Variants in DSCAM observed in about 807,000 individuals in gnomAD.
DSCAM encodes the protein cell adhesion molecule DSCAM.
Under a neutral mutation model 217.7 loss-of-function variants are expected in DSCAM, and 47 were observed. That is an observed-to-expected ratio of 0.22 (90% confidence interval 0.17 to 0.28). The LOEUF (loss-of-function observed/expected upper bound fraction) is 0.28. Among genes scored for constraint, DSCAM ranks in the 10% least tolerant of loss-of-function variants. The pLI, the probability that DSCAM is intolerant of heterozygous loss-of-function variation, is 1.00. For synonymous variants in DSCAM, 1,056 were observed against 1,015.3 expected, an observed-to-expected ratio of 1.04 and a Z score of -0.76; for missense variants, 2,080 against 2,618.3, an observed-to-expected ratio of 0.79 and a Z score of 4.49.
At chr21:40,821,324 T>C (rs2123593961) in intron 1 of DSCAM, among the ~76,000 whole-genome samples, 1 of 152,114 alleles carries the variant, frequency 6.6e-6, no homozygotes, top group African/African-American at 2.4e-5. Flanking sequence ...ATTTTGCTCT[T>C]CAGCCTCCTT....
At chr21:40,509,674 A>G (rs2076242700) in intron 3 of DSCAM, among the ~76,000 whole-genome samples, 1 of 152,250 alleles carries the variant, frequency 6.6e-6, no homozygotes. Context: ...AATTTCTATG[A>G]AAGAACTCAT....
chr21:40,252,071 G>A (rs562904730), intron 11 of DSCAM, among the ~76,000 whole-genome samples: 3 of 152,284 alleles, frequency 2.0e-5, no homozygotes, highest in African/African-American at 7.2e-5. Context: ...CTACTACTTT[G>A]ATTGCAGCCT....
chr21:40,031,672 T>G (rs564965776), intron 32 of DSCAM, among the ~76,000 whole-genome samples: 2 of 152,230 alleles, frequency 1.3e-5, no homozygotes, highest in Admixed American at 6.5e-5. Context: ...CAGTGAGGCC[T>G]TGTGAGAAGC....
rs371262906 is a variant in DSCAM, at chr21:40,267,589, C to G, written c.2356+8508G>C. ...CAAAATGTTGTTATGCAGCACATAACTATATAACATAAAATCTGGATTATG... is the reference window on the plus strand; with the variant it reads ...CAAAATGTTGTTATGCAGCACATAAGTATATAACATAAAATCTGGATTATG... On this transcript the variant is annotated intron_variant, in intron 11 of 32. Transcript: ENST00000400454. Among the ~76,000 whole-genome samples the G allele has an allele frequency of 2.8e-4, 42 of 152,232 alleles. No individual in the cohort carries two copies. The South Asian group carries it at 5.8e-3, about 21-fold the overall frequency.
At position 40,637,623 on chromosome 21, in the gene DSCAM, A is replaced by ATATAAATATATAT. The variant is rs1491156074; in HGVS notation, c.508+55186_508+55187insATATATATTTATA. On this transcript the variant is annotated intron_variant, in intron 3 of 32. Transcript: ENST00000400454. ...TATATATAAATATATATAAATATAT[A>ATATAAATATATAT]CATATATAAATATATATAAATATAT... 3.6e-3 allele frequency among the ~76,000 whole-genome samples: 163 copies of ATATAAATATATAT among 45,678 alleles called. 1 individual carries two copies. Among genetic ancestry groups the ATATAAATATATAT allele is most frequent in the Admixed American group, 4.8e-3 (10 of 2,064 alleles). 30.0% of individuals were successfully genotyped at this position (45,678 alleles called of 152,430 possible).
At chr21:40,068,650 T>C (rs1476512287) in intron 27 of DSCAM, among the ~76,000 whole-genome samples, 1 of 152,208 alleles carries the variant, frequency 6.6e-6, no homozygotes, top group Non-Finnish European at 1.5e-5. Context: ...TGTTTCTTAC[T>C]TGAATATTCA....
rs73355334 is a variant in DSCAM, at chr21:40,347,872, G to A, written c.1008C>T (p.Ser336=). Residue 336 remains serine, a synonymous_variant, in exon 6 of 33, where the codon AGC becomes AGT. Coordinates refer to ENST00000400454, the MANE Select transcript of DSCAM (RefSeq NM_001389.5). ...SVGSQVSLSC[S]VTGTEDQELS... ...GTTCCTGGTCCTCAGTTCCTGTCACGCTGCAGGACAAGGAAACTTGGCTAC... is the reference window on the plus strand; with the variant it reads ...GTTCCTGGTCCTCAGTTCCTGTCACACTGCAGGACAAGGAAACTTGGCTAC... The A allele has an allele frequency of 3.8e-4, 618 of 1,613,984 alleles. 1 individual carries two copies. The African/African-American group carries it at 7.0e-3, about 18-fold the overall frequency.
In DSCAM at chr21:40,144,049, T is replaced by A. The variant is rs1024644229; in HGVS notation, c.3259+442A>T. On this transcript the variant is annotated intron_variant, in intron 17 of 32. Transcript: ENST00000400454. This position sits in a 1 kb window ranked among gnomAD's most constrained non-coding sequence, Gnocchi z 4.8. ...TAGGGGGCGATCGATCACTGTGCAA[T>A]CTGAAAATTCCTTTTCTCTGTACTC... is the stretch of plus-strand genomic sequence containing the variant. 1.3e-5 allele frequency among the ~76,000 whole-genome samples: 2 copies of A among 152,114 alleles called. No homozygotes were observed. Among genetic ancestry groups the A allele is most frequent in the African/African-American group, 4.8e-5 (2 of 41,434 alleles).
intron 11 of DSCAM, among the ~76,000 whole-genome samples, chr21:40,219,793 G>T (rs1053309811): frequency 2.0e-5 from 3 of 152,096 alleles, no homozygotes; most frequent in Non-Finnish European, 4.4e-5. Context: ...GAAGTTAAAT[G>T]AATTTTTTTG....
At chr21:40,693,079 A>T in intron 2 of DSCAM, 123 bp from the exon 3 acceptor site, 1 of 1,154,612 alleles carries the variant, frequency 8.7e-7, no homozygotes, top group Non-Finnish European at 1.2e-6. Flanking sequence ...CTTTCTGGAA[A>T]ACAGTTAAGA....
chr21:40,652,227 G>A (rs921340228), intron 3 of DSCAM, among the ~76,000 whole-genome samples: 6 of 151,836 alleles, frequency 4.0e-5, no homozygotes, highest in African/African-American at 7.3e-5. Context: ...CTGGGTCACG[G>A]AATGATCTGT....
At chr21:40,088,090 T>C (rs1301889253) in intron 21 of DSCAM, among the ~76,000 whole-genome samples, 2 of 152,184 alleles carry the variant, frequency 1.3e-5, no homozygotes, top group African/African-American at 4.8e-5. Flanking sequence ...CATTGGGACA[T>C]TACTTTCTGG....
chr21:40,543,182 C>G (rs1397144694), intron 3 of DSCAM, among the ~76,000 whole-genome samples: 1 of 152,192 alleles, frequency 6.6e-6, no homozygotes, highest in Non-Finnish European at 1.5e-5. Context: ...GATTCCTCTT[C>G]CCTCTGACAG....
intron 32 of DSCAM, among the ~76,000 whole-genome samples, chr21:40,029,233 G>T (rs2088469424): frequency 6.6e-6 from 1 of 152,002 alleles, no homozygotes; most frequent in Non-Finnish European, 1.5e-5. Context: ...TGTTTATCCT[G>T]TGCCGTCAAG....
At chr21:40,578,594 C>T (rs777001718) in intron 3 of DSCAM, among the ~76,000 whole-genome samples, 1 of 152,182 alleles carries the variant, frequency 6.6e-6, no homozygotes, top group Non-Finnish European at 1.5e-5. Context: ...CAGCACCCAG[C>T]GTGGGACCCC....
At chr21:40,721,870 TAA>T (rs2090904051) in intron 1 of DSCAM, among the ~76,000 whole-genome samples, 3 of 152,050 alleles carry the variant, frequency 2.0e-5, no homozygotes, top group African/African-American at 7.2e-5. Context: ...GACACATGAT[TAA>T]ATTGTTCAAA....
intron 8 of DSCAM, among the ~76,000 whole-genome samples, chr21:40,326,414 T>C (rs936756670): frequency 1.3e-5 from 2 of 152,292 alleles, no homozygotes; most frequent in African/African-American, 2.4e-5. Flanking sequence ...AATAGACACA[T>C]CAGTGTGTCC....
chr21:40,062,778 A>C, intron 28 of DSCAM, 91 bp downstream of exon 28: 1 of 1,204,132 alleles, frequency 8.3e-7, no homozygotes, highest in Non-Finnish European at 1.2e-6. Flanking sequence ...TCAATTTCAG[A>C]CTGCCATTAT....
At chr21:40,485,758 ATACT>A (rs1384092190) in intron 3 of DSCAM, among the ~76,000 whole-genome samples, 7 of 152,126 alleles carry the variant, frequency 4.6e-5, no homozygotes, top group Non-Finnish European at 8.8e-5. Context: ...TTAAACCTGT[ATACT>A]TAAATTGTGT....
Sources: allele counts gnomAD v4.1 joint callset (sites outside exome capture counted in the v4.1 genomes callset), GRCh38; gene constraint gnomAD v4.1.1; non-coding constraint Gnocchi (gnomAD v3.1); transcripts MANE v1.5; gene names NCBI Gene and HGNC (gene_info 2026-07-23, HGNC 2026-07-21).